Variants in ZYG11B observed in about 807,000 individuals in gnomAD.
ZYG11B encodes protein zyg-11 homolog B.
Under a neutral mutation model 82.4 loss-of-function variants are expected in ZYG11B, and 36 were observed. That is an observed-to-expected ratio of 0.44 (90% CI 0.33 to 0.58). The LOEUF is 0.58. ZYG11B is among the 20% of genes least tolerant of loss of function. The pLI, the probability that ZYG11B is intolerant of heterozygous loss-of-function variation, is 0.02. For synonymous variants in ZYG11B, 303 were observed against 312.8 expected (o/e 0.97, Z 0.33); for missense variants, 552 against 895.6 (o/e 0.62, Z 4.90).
chr1:52,799,024 A>T (rs1428343268), intron 8 of ZYG11B, among the ~76,000 whole-genome samples: 6 of 152,130 alleles, frequency 3.9e-5, no homozygotes, highest in Non-Finnish European at 2.9e-5. Context: ...AATGAATGAT[A>T]CTTGCTACCT....
intron 5 of ZYG11B, among the ~76,000 whole-genome samples, chr1:52,785,576 C>A (rs1385516011): frequency 6.6e-6 from 1 of 152,150 alleles, no homozygotes; most frequent in African/African-American, 2.4e-5. Flanking sequence ...CCTGCCTCAG[C>A]CTCCCAAGTA....
intron 10 of ZYG11B, among the ~76,000 whole-genome samples, chr1:52,803,273 CACACACATATATATATATATATAT>C (rs1558140699): frequency 1.4e-4 from 15 of 107,710 alleles, no homozygotes; most frequent in East Asian, 2.8e-4. Context: ...TATACACACA[CACACACATATATATATATATATAT>C]ACACATATAT....
chr1:52,804,828 ATG>A (rs916074459), intron 10 of ZYG11B, among the ~76,000 whole-genome samples: 1 of 151,920 alleles, frequency 6.6e-6, no homozygotes, highest in Non-Finnish European at 1.5e-5. Flanking sequence ...GCAGTGGCTC[ATG>A]TCTGTAATCC....
chr1:52,821,605 A>ACAGCC lies in ZYG11B; in HGVS notation c.2213_2217dup (p.Gln740SerfsTer6). On this transcript the variant is annotated frameshift_variant, in exon 14 of 14. Transcript: ENST00000294353. LOFTEE classifies it high-confidence loss of function. ...ATGGGAGGCCACCTCCCTGTAAAAA[A>ACAGCC]CAGCCCCAAGCCAGACTAAATTGAT... 1 of 1,613,568 alleles carries ACAGCC rather than the reference A, an allele frequency of 6.2e-7. No individual in the cohort carries two copies.
At chr1:52,746,147 A>G (rs1036542517) in intron 1 of ZYG11B, among the ~76,000 whole-genome samples, 1 of 151,622 alleles carries the variant, frequency 6.6e-6, no homozygotes, top group Non-Finnish European at 1.5e-5. Context: ...TTTTTAGTAG[A>G]GACGGGGTTT....
chr1:52,745,968 T>C (rs895983678), intron 1 of ZYG11B, among the ~76,000 whole-genome samples: 1 of 151,852 alleles, frequency 6.6e-6, no homozygotes, highest in Non-Finnish European at 1.5e-5. Flanking sequence ...TTAACTTTTT[T>C]TTTTTTTTGA....
intron 8 of ZYG11B, among the ~76,000 whole-genome samples, chr1:52,801,060 T>C (rs1022587129): frequency 6.6e-6 from 1 of 152,152 alleles, no homozygotes; most frequent in Non-Finnish European, 1.5e-5. Flanking sequence ...AGGGTAAAGC[T>C]ATGATAGAAC....
At chr1:52,780,250 A>G (rs1189241857) in intron 4 of ZYG11B, among the ~76,000 whole-genome samples, 1 of 152,240 alleles carries the variant, frequency 6.6e-6, no homozygotes, top group Non-Finnish European at 1.5e-5. Context: ...AGTGACTACC[A>G]TGATATTTTA....
At chr1:52,746,112 C>T (rs904539699) in intron 1 of ZYG11B, among the ~76,000 whole-genome samples, 3 of 152,100 alleles carry the variant, frequency 2.0e-5, no homozygotes, top group Non-Finnish European at 4.4e-5. Flanking sequence ...CGCGTGCCAC[C>T]ACGCCCAGCT....
chr1:52,793,908 C>T (rs1323958218), intron 6 of ZYG11B, among the ~76,000 whole-genome samples: 1 of 149,968 alleles, frequency 6.7e-6, no homozygotes, highest in African/African-American at 2.5e-5. Flanking sequence ...TCCTTTCTTT[C>T]CTTTCTTTCC....
chr1:52,813,769 G>A (rs755118261), intron 11 of ZYG11B, 36 bp downstream of exon 11: 2 of 1,613,510 alleles, frequency 1.2e-6, no homozygotes, highest in Non-Finnish European at 1.7e-6. Flanking sequence ...GACATTCATA[G>A]TGGTTAAACT....
At chr1:52,741,868 G>GT (rs1644434076) in intron 1 of ZYG11B, among the ~76,000 whole-genome samples, 2 of 152,210 alleles carry the variant, frequency 1.3e-5, no homozygotes, top group South Asian at 4.2e-4. Context: ...TTTGCTTAAG[G>GT]TTATATAGGT....
chr1:52,758,603 CT>C (rs1374445489), intron 2 of ZYG11B, among the ~76,000 whole-genome samples: 4 of 152,118 alleles, frequency 2.6e-5, no homozygotes, highest in African/African-American at 9.7e-5. Flanking sequence ...CTGGTTTATA[CT>C]TTTGCTGTGG....
chr1:52,756,431 CT>C, intron 1 of ZYG11B, 26 bp from the exon 2 acceptor site: 1 of 1,590,172 alleles, frequency 6.3e-7, no homozygotes, highest in Non-Finnish European at 8.6e-7. Flanking sequence ...TTTTGTGTTT[CT>C]TTTATATTTT....
chr1:52,808,888 C>A (rs1645162357), intron 10 of ZYG11B, among the ~76,000 whole-genome samples: 1 of 152,110 alleles, frequency 6.6e-6, no homozygotes, highest in African/African-American at 2.4e-5. Flanking sequence ...TGCTACAATG[C>A]CATCTGGTAG....
intron 3 of ZYG11B, among the ~76,000 whole-genome samples, chr1:52,775,989 G>A (rs923179961): frequency 1.3e-5 from 2 of 151,610 alleles, no homozygotes; most frequent in Admixed American, 6.6e-5. Context: ...GCTGAGGCAG[G>A]CGGATCACCT....
rs770243111 is a variant in ZYG11B at position 52,726,626 on chromosome 1, C to A, written c.-28C>A. 3 of 1,433,074 alleles carry A rather than the reference C, an allele frequency of 2.1e-6. No individual in the cohort carries two copies. Among genetic ancestry groups the A allele is most frequent in the South Asian group, 2.8e-5 (2 of 71,206 alleles). 88.8% of individuals were successfully genotyped at this position (1,433,074 alleles called of 1,614,324 possible). On this transcript the variant is annotated 5_prime_UTR_variant, in exon 1 of 14. Coordinates refer to ENST00000294353, the MANE Select transcript of ZYG11B (RefSeq NM_024646.3). ...GCCTGGGGGCGGGCTCCGGTCCGGCCCGCCGCCGCACCCAGGACGGAGGCT... is the reference window on the plus strand; with the variant it reads ...GCCTGGGGGCGGGCTCCGGTCCGGCACGCCGCCGCACCCAGGACGGAGGCT...
At chr1:52,810,357 T>A (rs1645172541) in intron 10 of ZYG11B, among the ~76,000 whole-genome samples, 1 of 152,208 alleles carries the variant, frequency 6.6e-6, no homozygotes, top group Non-Finnish European at 1.5e-5. Context: ...TTTATTATCA[T>A]TACTCTGCTG....
intron 8 of ZYG11B, among the ~76,000 whole-genome samples, chr1:52,800,267 T>G (rs1645064843): frequency 7.2e-6 from 1 of 138,142 alleles, no homozygotes; most frequent in Admixed American, 7.3e-5. Flanking sequence ...TAGAGTGAGA[T>G]TCCATGTCAA....
Sources: gnomAD v4.1 joint callset for allele counts (sites outside exome capture counted in the v4.1 genomes callset) on GRCh38, gnomAD v4.1.1 for gene constraint, MANE v1.5 for transcripts, NCBI Gene and HGNC (gene_info 2026-07-23, HGNC 2026-07-21) for gene names.